The following FAM135B variants were observed in gnomAD, a reference collection of about 807,000 sequenced individuals.
FAM135B encodes protein FAM135B.
FAM135B carries 43 observed loss-of-function variants against 127.7 expected under a neutral mutation model. That is an observed-to-expected ratio of 0.34 (90% confidence interval 0.26 to 0.43). FAM135B has a LOEUF of 0.43. Ranked by LOEUF, FAM135B falls within the 20% of genes least tolerant of loss-of-function variation. The pLI, the probability that FAM135B is intolerant of heterozygous loss-of-function variation, is 1.00. For synonymous variants in FAM135B, 670 were observed against 665.1 expected, an observed-to-expected ratio of 1.01 and a Z score of -0.11; for missense variants, 1,558 against 1,725.6, an observed-to-expected ratio of 0.90 and a Z score of 1.72.
chr8:138,400,384 C>T (rs1279643653), intron 1 of FAM135B, among the ~76,000 whole-genome samples: 1 of 152,166 alleles, frequency 6.6e-6, no homozygotes, highest in Non-Finnish European at 1.5e-5. Context: ...TGCCGTGGAT[C>T]AACAGAGGGA....
chr8:138,488,945 G>A (rs1005116724), intron 1 of FAM135B, among the ~76,000 whole-genome samples: 13 of 152,144 alleles, frequency 8.5e-5, no homozygotes, highest in East Asian at 1.9e-4. Flanking sequence ...GATTACAGGC[G>A]TGAGCCATCA....
intron 1 of FAM135B, among the ~76,000 whole-genome samples, chr8:138,495,963 A>C (rs1815374967): frequency 6.6e-6 from 1 of 152,308 alleles, no homozygotes; most frequent in South Asian, 2.1e-4. Context: ...TTTTGCTGGC[A>C]AAGTGGGGTG....
chr8:138,356,557 T>A (rs1203393332), intron 2 of FAM135B, among the ~76,000 whole-genome samples: 2 of 152,146 alleles, frequency 1.3e-5, no homozygotes, highest in African/African-American at 2.4e-5. Flanking sequence ...GGTTGAGACA[T>A]AAAAGACAGT....
At chr8:138,331,369 C>T (rs1399562685) in intron 2 of FAM135B, among the ~76,000 whole-genome samples, 1 of 152,134 alleles carries the variant, frequency 6.6e-6, no homozygotes, top group Non-Finnish European at 1.5e-5. Context: ...TGATACAAGG[C>T]TTCAAGGAAT....
At chr8:138,248,953 G>A (rs1821501505) in intron 6 of FAM135B, among the ~76,000 whole-genome samples, 1 of 152,152 alleles carries the variant, frequency 6.6e-6, no homozygotes, top group Non-Finnish European at 1.5e-5. Context: ...AAAGTAAGTG[G>A]TAGGGCTAGA....
Position 138,131,809 on chromosome 8 carries a change from TACAG to T in FAM135B, c.*780_*783del, listed in dbSNP as rs2130471775. The T allele has an allele frequency of 1.3e-5, 2 of 152,788 alleles. No individual in the cohort carries two copies. Among genetic ancestry groups the T allele is most frequent in the South Asian group, 4.1e-4 (2 of 4,832 alleles). The allele number at this position is 152,788 out of a possible 1,614,324, so 9.5% of individuals were successfully genotyped here. Reference sequence around the variant, plus strand: ...GTTAGTCTCACTCAGTGTTCCCTACTACAGACAAAGATGTAAGCAATCACTAAAA... The same window carrying T: ...GTTAGTCTCACTCAGTGTTCCCTACTACAAAGATGTAAGCAATCACTAAAA... On this transcript the variant is annotated 3_prime_UTR_variant, in exon 20 of 20. Transcript: ENST00000395297.
At chr8:138,376,351 C>T (rs1026244900) in intron 1 of FAM135B, among the ~76,000 whole-genome samples, 2 of 152,154 alleles carry the variant, frequency 1.3e-5, no homozygotes, top group African/African-American at 4.8e-5. Flanking sequence ...AAAGCCATCA[C>T]CCTAGGAATG....
chr8:138,232,203 T>C (rs1287654940), intron 7 of FAM135B, among the ~76,000 whole-genome samples: 1 of 152,194 alleles, frequency 6.6e-6, no homozygotes, highest in East Asian at 1.9e-4. Context: ...ATCTACTTCA[T>C]GTCTGTCATG....
In FAM135B at chr8:138,153,056, A is replaced by G. The variant is rs755500741; in HGVS notation, c.1419T>C (p.Asp473=). 1 of 1,614,184 alleles carries G rather than the reference A, an allele frequency of 6.2e-7. No individual in the cohort carries two copies. Among genetic ancestry groups the G allele is most frequent in the Non-Finnish European group, 8.5e-7 (1 of 1,180,036 alleles). ...STIKPSQMDS[D]EEVIRCPEPG... ...GCTCTGGACACCTTATAACTTCTTC[A>G]TCAGAATCCATTTGGGATGGTTTTA... Residue 473 remains aspartate (D), a synonymous_variant, in exon 13 of 20, where the codon GAT becomes GAC. Transcript: ENST00000395297.
At chr8:138,487,838 C>T (rs1001980733) in intron 1 of FAM135B, among the ~76,000 whole-genome samples, 1 of 152,036 alleles carries the variant, frequency 6.6e-6, no homozygotes, top group Admixed American at 6.5e-5. Flanking sequence ...CCCTTATCTA[C>T]TAAAAATACA....
chr8:138,432,543 C>T (rs1335225228), intron 1 of FAM135B, among the ~76,000 whole-genome samples: 1 of 151,798 alleles, frequency 6.6e-6, no homozygotes, highest in Non-Finnish European at 1.5e-5. Flanking sequence ...TCTCCTTCTG[C>T]TTGATATATA....
At chr8:138,442,237 CATAT>C (rs759993575) in intron 1 of FAM135B, among the ~76,000 whole-genome samples, 697 of 51,926 alleles carry the variant, frequency 0.013, 49 homozygotes, top group African/African-American at 0.063. Flanking sequence ...ATATGGACAC[CATAT>C]ATATATATAT....
intron 12 of FAM135B, among the ~76,000 whole-genome samples, chr8:138,163,606 T>A (rs994018415): frequency 3.9e-5 from 6 of 152,132 alleles, no homozygotes; most frequent in African/African-American, 1.4e-4. Flanking sequence ...TTGGCTCTCA[T>A]TCTCTCTTTG....
chr8:138,269,333 AAACC>A (rs1277868645), intron 3 of FAM135B, among the ~76,000 whole-genome samples: 1 of 152,226 alleles, frequency 6.6e-6, no homozygotes, highest in African/African-American at 2.4e-5. Flanking sequence ...CCCAATGCTC[AAACC>A]AACAGCACCC....
intron 2 of FAM135B, among the ~76,000 whole-genome samples, chr8:138,321,281 A>G (rs577136372): frequency 6.6e-6 from 1 of 152,284 alleles, no homozygotes; most frequent in South Asian, 2.1e-4. Context: ...ATTCCCTAAG[A>G]CATGTGTGAG....
At chr8:138,339,783 C>T (rs1170915551) in intron 2 of FAM135B, among the ~76,000 whole-genome samples, 9 of 152,214 alleles carry the variant, frequency 5.9e-5, no homozygotes. Flanking sequence ...ACATCCCCAA[C>T]CCAGCCCCCT....
At position 138,152,128 on chromosome 8, in the gene FAM135B, C is replaced by G. The variant is rs1293616101; in HGVS notation, c.2347G>C (p.Ala783Pro). Residue 783 changes from alanine (A) to proline (P), a missense_variant, in exon 13 of 20, where the codon GCT becomes CCT. Physicochemically the swap from Ala to Pro is conservative, Grantham distance 27 (BLOSUM62 -1). Transcript: ENST00000395297. ...TGCTGCTTGGTGTCCGCATCTTCAG[C>G]AGCCTCCTCTGGGCTACTGATGTGG... is the stretch of plus-strand genomic sequence containing the variant. ...APHISSPEEA[A>P]EDADTKQQDG... 6.2e-7 allele frequency: 1 copy of G among 1,613,856 alleles called. No homozygotes were observed. The highest frequency in any genetic ancestry group is 1.3e-5 in the African/African-American group (1 of 74,926).
At chr8:138,340,567 T>C (rs990512527) in intron 2 of FAM135B, among the ~76,000 whole-genome samples, 2 of 152,166 alleles carry the variant, frequency 1.3e-5, no homozygotes, top group African/African-American at 4.8e-5. Context: ...AGCACCCATG[T>C]CCTGTTCATC....
At chr8:138,315,980 T>C (rs1827057516) in intron 2 of FAM135B, among the ~76,000 whole-genome samples, 1 of 152,090 alleles carries the variant, frequency 6.6e-6, no homozygotes, top group African/African-American at 2.4e-5. Context: ...AATATTGTAT[T>C]ATATACTGAA....
Sources: allele counts gnomAD v4.1 joint callset (sites outside exome capture counted in the v4.1 genomes callset), GRCh38; gene constraint gnomAD v4.1.1; transcripts MANE v1.5; gene names NCBI Gene and HGNC (gene_info 2026-07-23, HGNC 2026-07-21).